Variants in ZNF253 observed in about 807,000 individuals in gnomAD.
The protein encoded by ZNF253 is DNA-binding protein.
Under a neutral mutation model 11.9 loss-of-function variants are expected in ZNF253, and 8 were observed. The observed-to-expected ratio is 0.67, with a 90% CI of 0.40 to 1.22. The LOEUF (loss-of-function observed/expected upper bound fraction) is 1.22, where lower values mean the gene tolerates loss of function less well. ZNF253 is among the 50% of genes most tolerant of loss of function. The pLI is 0.01. For synonymous variants in ZNF253, 194 were observed against 194.9 expected (o/e 1.00, Z 0.04); for missense variants, 485 against 586.9 (o/e 0.83, Z 1.79).
intron 3 of ZNF253, among the ~76,000 whole-genome samples, chr19:19,881,485 C>A (rs2063177473): frequency 6.6e-6 from 1 of 151,822 alleles, no homozygotes; most frequent in Non-Finnish European, 1.5e-5. Flanking sequence ...CCTGTCTCTG[C>A]TGAAATTACA....
rs145668061 is a variant in ZNF253, at chr19:19,867,131, A to G, written c.3+1132A>G. Among the ~76,000 whole-genome samples the G allele has an allele frequency of 1.8e-3, 268 of 152,306 alleles. 3 individuals are homozygous for G. Among genetic ancestry groups the G allele is most frequent in the African/African-American group, 6.1e-3 (255 of 41,574 alleles). ...CGAGGTGGATGGATCACTTGAGGTC[A>G]GGAGTTGAAGACCAGCCTGGCCAAA... On this transcript the variant is annotated intron_variant, in intron 1 of 3. Transcript: ENST00000589717.
rs1555777030 is a variant in ZNF253 at position 19,872,580 on chromosome 19, T to TATATATATA, written c.4-5901_4-5900insATATATATA. ...CCATAACTATATATATATATATATA[T>TATATATATA]TATTATATATATATATATATAATCA... On this transcript the variant is annotated intron_variant, in intron 1 of 3. Transcript: ENST00000589717. 8.7e-3 allele frequency among the ~76,000 whole-genome samples: 938 copies of TATATATATA among 108,098 alleles called. 30 individuals are homozygous for TATATATATA. The highest frequency in any genetic ancestry group is 0.044 in the African/African-American group (841 of 19,322). 70.9% of individuals were successfully genotyped at this position (108,098 alleles called of 152,430 possible). A position where few individuals can be genotyped will look rare whatever the true frequency, so the allele number is the denominator to read the frequency against.
chr19:19,890,685 C>A (rs1341363999), intron 3 of ZNF253, among the ~76,000 whole-genome samples: 2 of 151,838 alleles, frequency 1.3e-5, no homozygotes, highest in African/African-American at 4.8e-5. Context: ...CCATGCCTGG[C>A]TAATTTTCTG....
At chr19:19,866,022 CGA>C in intron 1 of ZNF253, 23 bp downstream of exon 1, 1 of 1,614,114 alleles carries the variant, frequency 6.2e-7, no homozygotes, top group Non-Finnish European at 8.5e-7. Flanking sequence ...TCCAACGTCC[CGA>C]GAGAGGGGAG....
chr19:19,890,610 T>C (rs1568501016), intron 3 of ZNF253, among the ~76,000 whole-genome samples: 1 of 150,460 alleles, frequency 6.6e-6, no homozygotes, highest in Non-Finnish European at 1.5e-5. Context: ...ACAATCTCCG[T>C]CTCCACAGTT....
At chr19:19,866,706 C>G (rs1226094830) in intron 1 of ZNF253, among the ~76,000 whole-genome samples, 1 of 152,072 alleles carries the variant, frequency 6.6e-6, no homozygotes, top group African/African-American at 2.4e-5. Context: ...CCATGTTGGT[C>G]AGGCTGGTTT....
At chr19:19,887,293 T>C (rs1416798584) in intron 3 of ZNF253, among the ~76,000 whole-genome samples, 1 of 151,702 alleles carries the variant, frequency 6.6e-6, no homozygotes, top group African/African-American at 2.4e-5. Context: ...TATAATTTTA[T>C]TTATTTATTT....
chr19:19,875,997 A>G (rs889261275), intron 1 of ZNF253, among the ~76,000 whole-genome samples: 1 of 152,222 alleles, frequency 6.6e-6, no homozygotes, highest in African/African-American at 2.4e-5. Flanking sequence ...AGACTTATTC[A>G]GACATTGCTG....
chr19:19,891,466 TC>T lies in ZNF253; in HGVS notation c.227-7del. On this transcript the variant is annotated splice_polypyrimidine_tract_variant and splice_region_variant and intron_variant, in intron 3 of 3. Coordinates refer to ENST00000589717, the MANE Select transcript of ZNF253 (RefSeq NM_021047.3). ...ATTGAAGTAATGTGTTTTTATTGTTTCTTTTAGTTATGAGTTCTCATTTTGC... is the reference window on the plus strand; with the variant it reads ...ATTGAAGTAATGTGTTTTTATTGTTTTTTTAGTTATGAGTTCTCATTTTGC... 1 of 1,563,250 alleles carries T rather than the reference TC, an allele frequency of 6.4e-7. No individual in the cohort carries two copies. Among genetic ancestry groups the T allele is most frequent in the Non-Finnish European group, 8.6e-7 (1 of 1,158,898 alleles).
chr19:19,888,169 T>C (rs1307756985), intron 3 of ZNF253, among the ~76,000 whole-genome samples: 1 of 152,036 alleles, frequency 6.6e-6, no homozygotes, highest in Non-Finnish European at 1.5e-5. Flanking sequence ...GTTCAAGTAA[T>C]TCTCCTGTCT....
At chr19:19,885,110 G>T (rs2063193113) in intron 3 of ZNF253, among the ~76,000 whole-genome samples, 1 of 151,934 alleles carries the variant, frequency 6.6e-6, no homozygotes, top group Non-Finnish European at 1.5e-5. Context: ...CAGAAATTTT[G>T]AAGTATAGTG....
chr19:19,873,309 C>G (rs969166960), intron 1 of ZNF253, among the ~76,000 whole-genome samples: 1 of 150,096 alleles, frequency 6.7e-6, no homozygotes, highest in South Asian at 2.1e-4. Flanking sequence ...AAAGAGCTAG[C>G]AAATCAGAAC....
chr19:19,876,413 A>G (rs1269471428), intron 1 of ZNF253, among the ~76,000 whole-genome samples: 1 of 134,772 alleles, frequency 7.4e-6, no homozygotes, highest in Admixed American at 7.4e-5. Flanking sequence ...TCAGTGTGGC[A>G]CATATTTCCA....
rs1471031655 is a variant in ZNF253 at position 19,894,066 on chromosome 19, CAG to C, written c.*1323_*1324del. 1.3e-5 allele frequency: 2 copies of C among 152,112 alleles called. No homozygotes were observed. The highest frequency in any genetic ancestry group is 2.9e-5 in the Non-Finnish European group (2 of 68,006). The allele number at this position is 152,112 out of a possible 1,614,324, so 9.4% of individuals were successfully genotyped here. A position where few individuals can be genotyped will look rare whatever the true frequency, so the allele number is the denominator to read the frequency against. ...TTCAAAATTGATTCTATGTAAATAT[CAG>C]AGAATTTTCCATAGAATAATTAAGG... On this transcript the variant is annotated 3_prime_UTR_variant, in exon 4 of 4. Transcript: ENST00000589717.
intron 1 of ZNF253, among the ~76,000 whole-genome samples, chr19:19,867,381 G>T (rs1484176324): frequency 4.0e-5 from 6 of 151,686 alleles, no homozygotes; most frequent in Admixed American, 3.9e-4. Flanking sequence ...TTTATTTTTG[G>T]AGACAGAGTG....
Position 19,880,155 on chromosome 19 carries a change from G to A in ZNF253, c.226+9G>A, listed in dbSNP as rs200881902. On this transcript the variant is annotated intron_variant, in intron 3 of 3. Coordinates refer to ENST00000589717, the MANE Select transcript of ZNF253 (RefSeq NM_021047.3). ...GATTGCCAAACCCCCAGGTAGGTAC[G>A]AGTGAAAACGAATACAACAGATGAC... 11 of 1,586,500 alleles carry A rather than the reference G, an allele frequency of 6.9e-6. No individual in the cohort carries two copies. The highest frequency in any genetic ancestry group is 2.3e-5 in the East Asian group (1 of 43,784).
At chr19:19,881,603 C>T (rs1199102354) in intron 3 of ZNF253, among the ~76,000 whole-genome samples, 2 of 148,252 alleles carry the variant, frequency 1.3e-5, no homozygotes, top group Non-Finnish European at 3.0e-5. Flanking sequence ...GAGCCGAGAT[C>T]ACCCCATTGC....
intron 3 of ZNF253, among the ~76,000 whole-genome samples, chr19:19,884,679 T>C (rs73008648): frequency 0.15 from 22,882 of 152,138 alleles, 2,029 homozygotes; most frequent in East Asian, 0.41. Flanking sequence ...GCCTGTGTTA[T>C]GTATTTTAGA....
intron 3 of ZNF253, among the ~76,000 whole-genome samples, chr19:19,881,312 T>C (rs1436838592): frequency 6.6e-6 from 1 of 152,098 alleles, no homozygotes; most frequent in African/African-American, 2.4e-5. Flanking sequence ...GTTTTAAGTG[T>C]ATGAAACTGT....
Sources: allele counts gnomAD v4.1 joint callset (sites outside exome capture counted in the v4.1 genomes callset), GRCh38; gene constraint gnomAD v4.1.1; transcripts MANE v1.5; gene names NCBI Gene and HGNC (gene_info 2026-07-23, HGNC 2026-07-21).